Variants in TAF2 observed in about 807,000 individuals in gnomAD.
TAF2 encodes transcription initiation factor TFIID subunit 2.
A neutral mutation model predicts 138.5 loss-of-function variants in TAF2; 61 were observed. That is an observed-to-expected ratio of 0.44 (90% CI 0.36 to 0.54). The LOEUF (loss-of-function observed/expected upper bound fraction) is 0.54, where lower values mean the gene tolerates loss of function less well. Among genes scored for constraint, TAF2 ranks in the 20% least tolerant of loss-of-function variants. The pLI is 0.00. For missense variants in TAF2, 1,090 were observed against 1,427.9 expected, an observed-to-expected ratio of 0.76 and a Z score of 3.81; for synonymous variants, 475 against 469.9, an observed-to-expected ratio of 1.01 and a Z score of -0.14.
intron 18 of TAF2, 131 bp from the exon 19 acceptor site, chr8:119,762,739 A>G: frequency 1.3e-6 from 1 of 745,534 alleles, no homozygotes; most frequent in Non-Finnish European, 2.2e-6. Flanking sequence ...GTCCTCTGGT[A>G]AACATTCAAC....
At chr8:119,828,028 C>T (rs1031573786) in intron 2 of TAF2, among the ~76,000 whole-genome samples, 1 of 152,162 alleles carries the variant, frequency 6.6e-6, no homozygotes, top group African/African-American at 2.4e-5. Flanking sequence ...CAAGCGTGAG[C>T]CACTGCGCCT....
chr8:119,797,101 G>C lies in TAF2; in HGVS notation c.980C>G (p.Thr327Arg). The C allele has an allele frequency of 6.2e-7, 1 of 1,606,204 alleles. No individual in the cohort carries two copies. The highest frequency in any genetic ancestry group is 8.5e-7 in the Non-Finnish European group (1 of 1,173,274). The change falls in exon 8 of 26, where the codon ACA (threonine) becomes AGA (arginine). Residue 327 changes from threonine to arginine, a missense_variant and splice_region_variant. Thr to Arg is a moderately conservative substitution (Grantham distance 71). Around this residue, in one of 3 missense-constraint regions of TAF2, gnomAD observed 504 missense variants for 680.9 expected, o/e 0.74. Transcript: ENST00000378164. ...AATCATGGCACTGTGTAAAAGATTT[G>C]TGCTGGAATTTAAAAGAGAAGAAAG... ...AAYASMSIFS[T>R]NLLHSAMIID... is the part of the protein sequence containing the mutation.
intron 25 of TAF2, among the ~76,000 whole-genome samples, chr8:119,732,448 T>C (rs1818941658): frequency 6.6e-6 from 1 of 152,310 alleles, no homozygotes; most frequent in South Asian, 2.1e-4. Context: ...AATCATCTTT[T>C]AAAAATTAAT....
intron 12 of TAF2, 124 bp from the exon 13 acceptor site, chr8:119,789,028 G>A (rs576017140): frequency 2.7e-5 from 19 of 694,460 alleles, no homozygotes; most frequent in East Asian, 2.4e-4. Flanking sequence ...GAGAGCATAC[G>A]CTACAGTAAA....
At chr8:119,788,744 A>G (rs775566217) in intron 13 of TAF2, 46 bp downstream of exon 13, 1 of 1,325,170 alleles carries the variant, frequency 7.5e-7, no homozygotes, top group Non-Finnish European at 1.1e-6. Flanking sequence ...CTTCTATTGA[A>G]ACTGAGGAGA....
intron 14 of TAF2, among the ~76,000 whole-genome samples, chr8:119,786,767 C>G (rs1823039418): frequency 6.6e-6 from 1 of 152,070 alleles, no homozygotes; most frequent in African/African-American, 2.4e-5. Context: ...ACTAAAAATA[C>G]AAAAAGTAGC....
At chr8:119,771,386 C>T (rs905379385) in intron 18 of TAF2, among the ~76,000 whole-genome samples, 4 of 151,902 alleles carry the variant, frequency 2.6e-5, no homozygotes, top group Non-Finnish European at 4.4e-5. Context: ...CAAGCATGTG[C>T]GACCACACCT....
chr8:119,735,968 T>C lies in TAF2; in HGVS notation c.3338-3782A>G, dbSNP rs116754981. ...ATCAACAGACTTTGCAGCTTTCTTGTTGGCTGTCTGCACTCTTGGGAGCTT... is the reference window on the plus strand; with the variant it reads ...ATCAACAGACTTTGCAGCTTTCTTGCTGGCTGTCTGCACTCTTGGGAGCTT... On this transcript the variant is annotated intron_variant, in intron 25 of 25. Transcript: ENST00000378164. Among the ~76,000 whole-genome samples the C allele has an allele frequency of 6.4e-3, 980 of 152,326 alleles. 14 individuals are homozygous for C. Among genetic ancestry groups the C allele is most frequent in the African/African-American group, 0.023 (936 of 41,586 alleles).
intron 3 of TAF2, among the ~76,000 whole-genome samples, chr8:119,817,172 C>T (rs753010247): frequency 6.6e-6 from 1 of 152,142 alleles, no homozygotes; most frequent in African/African-American, 2.4e-5. Context: ...CCTAGCCTAA[C>T]CTTTGAAAAG....
At chr8:119,779,178 T>A (rs1822468621) in intron 17 of TAF2, among the ~76,000 whole-genome samples, 1 of 151,906 alleles carries the variant, frequency 6.6e-6, no homozygotes, top group African/African-American at 2.4e-5. Context: ...TGAATTGGTA[T>A]AAAAGCACTG....
chr8:119,792,087 T>C (rs116529980), intron 10 of TAF2, among the ~76,000 whole-genome samples: 46 of 152,192 alleles, frequency 3.0e-4, no homozygotes, highest in African/African-American at 1.0e-3. Context: ...CTATGGTGAG[T>C]ATCTTTTTAC....
intron 18 of TAF2, among the ~76,000 whole-genome samples, chr8:119,775,205 C>A (rs780399034): frequency 4.1e-5 from 6 of 146,626 alleles, no homozygotes; most frequent in Non-Finnish European, 6.0e-5. Flanking sequence ...CGCTTAAACC[C>A]GGGAGGCAGA....
rs1818922630 is a variant in TAF2 at position 119,732,205 on chromosome 8, C to T, written c.3338-19G>A. Reference sequence around the variant, plus strand: ...TCTTTACCTTCAAGATTAAAAATACCCAAATGAATTCCTGCTGATGATACG... The same window carrying T: ...TCTTTACCTTCAAGATTAAAAATACTCAAATGAATTCCTGCTGATGATACG... On this transcript the variant is annotated intron_variant, in intron 25 of 25. Transcript: ENST00000378164. 1 of 1,609,172 alleles carries T rather than the reference C, an allele frequency of 6.2e-7. No homozygotes were observed. Among genetic ancestry groups the T allele is most frequent in the Admixed American group, 1.7e-5 (1 of 59,982 alleles).
At chr8:119,793,596 T>C in intron 9 of TAF2, 145 bp from the exon 10 acceptor site, 1 of 663,888 alleles carries the variant, frequency 1.5e-6, no homozygotes, top group Non-Finnish European at 2.6e-6. Context: ...ATTTAAAGAG[T>C]AGTTTATGTT....
intron 5 of TAF2, among the ~76,000 whole-genome samples, chr8:119,803,375 G>A (rs1759084866): frequency 6.6e-6 from 1 of 152,130 alleles, no homozygotes; most frequent in Non-Finnish European, 1.5e-5. Flanking sequence ...ACATGAAAAT[G>A]AGAGAGAAGA....
chr8:119,801,579 C>A (rs1422344410), intron 6 of TAF2, among the ~76,000 whole-genome samples: 1 of 152,064 alleles, frequency 6.6e-6, no homozygotes, highest in Non-Finnish European at 1.5e-5. Flanking sequence ...CAGGCGCCCA[C>A]CACCACGCCT....
chr8:119,741,577 A>G (rs979683165), intron 25 of TAF2, among the ~76,000 whole-genome samples: 9 of 152,196 alleles, frequency 5.9e-5, no homozygotes, highest in Non-Finnish European at 1.2e-4. Flanking sequence ...TAAGCAATCA[A>G]CAGTCTGGGG....
rs1225163199 is a variant in TAF2 at position 119,758,907 on chromosome 8, C to G, written c.2699-765G>C. On this transcript the variant is annotated intron_variant, in intron 20 of 25. Transcript: ENST00000378164. ...TATATTCATAGTTCACATTTAGACA[C>G]GGACAAAAGTGAAGTGTCACAATTA... Among the ~76,000 whole-genome samples, 5 of 152,144 alleles carry G rather than the reference C, an allele frequency of 3.3e-5. No homozygotes were observed. In the South Asian group the frequency reaches 1.0e-3, roughly 31 times the overall value.
chr8:119,773,699 T>C (rs1369785738), intron 18 of TAF2, among the ~76,000 whole-genome samples: 1 of 151,478 alleles, frequency 6.6e-6, no homozygotes, highest in African/African-American at 2.4e-5. Flanking sequence ...ATAGATTCTA[T>C]AATTGACCAC....
Sources: allele counts gnomAD v4.1 joint callset (sites outside exome capture counted in the v4.1 genomes callset), GRCh38; gene constraint gnomAD v4.1.1; regional missense constraint gnomAD v4.1.1; transcripts MANE v1.5; gene names NCBI Gene and HGNC (gene_info 2026-07-23, HGNC 2026-07-21).